The following RCAN2 variants were observed in gnomAD, a reference collection of about 807,000 sequenced individuals.
RCAN2 encodes calcipressin-2.
Under a neutral mutation model 23.6 loss-of-function variants are expected in RCAN2, and 9 were observed. That is an observed-to-expected ratio of 0.38 (90% CI 0.23 to 0.67). The LOEUF (loss-of-function observed/expected upper bound fraction) is 0.67. RCAN2 is among the 30% of genes least tolerant of loss of function. The pLI is 0.51. For synonymous variants in RCAN2, 109 were observed against 115.7 expected (o/e 0.94, Z 0.37); for missense variants, 273 against 302.3 (o/e 0.90, Z 0.72).
chr6:46,387,147 C>T lies in RCAN2; in HGVS notation c.225+69605G>A, dbSNP rs917201481. 4.6e-5 allele frequency among the ~76,000 whole-genome samples: 7 copies of T among 152,058 alleles called. No homozygotes were observed. In the East Asian group the frequency reaches 1.3e-3, roughly 29 times the overall value. Reference sequence around the variant, plus strand: ...AATGTTAGACCTAAAACCATAAAAACCCTAGAAAAAAACTTAGGCAATACC... The same window carrying T: ...AATGTTAGACCTAAAACCATAAAAATCCTAGAAAAAAACTTAGGCAATACC... On this transcript the variant is annotated intron_variant, in intron 2 of 4. Coordinates refer to ENST00000371374, the MANE Select transcript of RCAN2 (RefSeq NM_001251974.2).
chr6:46,247,038 GTAA>G, intron 3 of RCAN2, 119 bp from the exon 4 acceptor site: 1 of 780,334 alleles, frequency 1.3e-6, no homozygotes, highest in South Asian at 2.0e-5. Context: ...GAACCCGACC[GTAA>G]TAATAATTAC....
At chr6:46,337,042 G>A (rs1225301715) in intron 2 of RCAN2, among the ~76,000 whole-genome samples, 1 of 151,066 alleles carries the variant, frequency 6.6e-6, no homozygotes, top group African/African-American at 2.4e-5. Flanking sequence ...AACTGAAATA[G>A]CTTAGTTATA....
At chr6:46,236,493 C>T (rs1001012716) in intron 4 of RCAN2, among the ~76,000 whole-genome samples, 1 of 151,056 alleles carries the variant, frequency 6.6e-6, no homozygotes, top group Non-Finnish European at 1.5e-5. Flanking sequence ...ATTATATCAC[C>T]TTTGATATTA....
intron 2 of RCAN2, among the ~76,000 whole-genome samples, chr6:46,387,839 A>T (rs986639654): frequency 6.6e-6 from 1 of 152,218 alleles, no homozygotes; most frequent in Non-Finnish European, 1.5e-5. Context: ...AATGGCAAAG[A>T]CTTGGAACCA....
intron 4 of RCAN2, among the ~76,000 whole-genome samples, chr6:46,233,347 G>T (rs1345064): frequency 0.19 from 28,308 of 152,230 alleles, 2,790 homozygotes; most frequent in Middle Eastern, 0.33. Flanking sequence ...AAATATGGTG[G>T]TGATTCTTGT....
At chr6:46,265,815 C>T (rs528887847) in intron 2 of RCAN2, among the ~76,000 whole-genome samples, 127 of 152,192 alleles carry the variant, frequency 8.3e-4, no homozygotes, top group Non-Finnish European at 1.6e-3. Flanking sequence ...ATTTCATAAA[C>T]GAGTTTACAA....
chr6:46,453,172 G>C (rs766580065), intron 2 of RCAN2, among the ~76,000 whole-genome samples: 5 of 152,182 alleles, frequency 3.3e-5, no homozygotes, highest in African/African-American at 9.7e-5. Context: ...GAACCCAGGG[G>C]AGTGCTCTGA....
chr6:46,438,156 A>G (rs1235083397), intron 2 of RCAN2, among the ~76,000 whole-genome samples: 1 of 152,210 alleles, frequency 6.6e-6, no homozygotes, highest in East Asian at 1.9e-4. Context: ...ATTACACAAG[A>G]GGAGGGCCTG....
At chr6:46,419,674 A>G (rs1287522866) in intron 2 of RCAN2, among the ~76,000 whole-genome samples, 2 of 152,186 alleles carry the variant, frequency 1.3e-5, no homozygotes, top group Non-Finnish European at 2.9e-5. Flanking sequence ...CCTGAAAATC[A>G]TATCTCATGG....
At chr6:46,283,484 A>G (rs1390815846) in intron 2 of RCAN2, among the ~76,000 whole-genome samples, 1 of 152,174 alleles carries the variant, frequency 6.6e-6, no homozygotes, top group Non-Finnish European at 1.5e-5. Context: ...AGAATCTGGT[A>G]CACACATACC....
chr6:46,255,279 G>T (rs1047277441), intron 2 of RCAN2, among the ~76,000 whole-genome samples: 1 of 152,076 alleles, frequency 6.6e-6, no homozygotes, highest in South Asian at 2.1e-4. Flanking sequence ...TGTGTTGAGG[G>T]ATAGGAGAAG....
chr6:46,263,561 A>ATGTGTGTGTGTGTGTG (rs1561834156), intron 2 of RCAN2, among the ~76,000 whole-genome samples: 2 of 56,146 alleles, frequency 3.6e-5, no homozygotes, highest in African/African-American at 4.0e-5. Flanking sequence ...GTGTGTGTGT[A>ATGTGTGTGTGTGTGTG]TGTGTGTGTG....
At chr6:46,412,414 T>C (rs940740620) in intron 2 of RCAN2, among the ~76,000 whole-genome samples, 1 of 152,052 alleles carries the variant, frequency 6.6e-6, no homozygotes, top group Non-Finnish European at 1.5e-5. Context: ...AGGTACAGAT[T>C]GTGGGGGGCA....
chr6:46,468,676 G>A (rs1175120117), intron 1 of RCAN2: 4 of 314,736 alleles, frequency 1.3e-5, no homozygotes, highest in African/African-American at 4.5e-5. Flanking sequence ...CTCCCAGCAC[G>A]GCTCCTGATA....
intron 2 of RCAN2, among the ~76,000 whole-genome samples, chr6:46,430,419 A>T (rs532658171): frequency 6.6e-6 from 1 of 152,170 alleles, no homozygotes; most frequent in African/African-American, 2.4e-5. Context: ...ATCATGAGAC[A>T]TCAAGAGGAG....
At chr6:46,247,926 C>T (rs780370694) in intron 3 of RCAN2, among the ~76,000 whole-genome samples, 11 of 152,102 alleles carry the variant, frequency 7.2e-5, no homozygotes, top group African/African-American at 9.7e-5. Flanking sequence ...ATTTTAAAGA[C>T]GAGGAAACTG....
chr6:46,391,291 C>T (rs1561886499), intron 2 of RCAN2, among the ~76,000 whole-genome samples: 2 of 152,246 alleles, frequency 1.3e-5, no homozygotes, highest in Non-Finnish European at 2.9e-5. Flanking sequence ...TCTCAGCAAA[C>T]TATCGCATGA....
chr6:46,456,964 A>T lies in RCAN2; in HGVS notation c.13T>A (p.Ser5Thr), dbSNP rs115200836. 1,138 of 1,550,008 alleles carry T rather than the reference A, an allele frequency of 7.3e-4. 11 individuals carry two copies. In the African/African-American group the frequency reaches 0.014, roughly 19 times the overall value. Residue 5 changes from serine to threonine, a missense_variant, in exon 2 of 5, where the codon TCA becomes ACA. By Grantham distance (58) the Ser-to-Thr change is moderately conservative. Transcript: ENST00000371374. ...GGGCTCCTCATTCCGATGAAGTATG[A>T]TTCTCCCCTCATTCCTGGGGATACA... MRGE[S>T]YFIGMRSPGQ...
chr6:46,313,481 A>G (rs116230179), intron 2 of RCAN2, among the ~76,000 whole-genome samples: 2,596 of 152,340 alleles, frequency 0.017, 19 homozygotes, highest in Non-Finnish European at 0.029. Flanking sequence ...TTGATCACCT[A>G]TATCCCATAG....
Sources: allele counts gnomAD v4.1 joint callset (sites outside exome capture counted in the v4.1 genomes callset), GRCh38; gene constraint gnomAD v4.1.1; transcripts MANE v1.5; gene names NCBI Gene and HGNC (gene_info 2026-07-23, HGNC 2026-07-21).